TIAM1: variants seen among roughly 807,000 people sequenced by gnomAD.
TIAM1 encodes rho guanine nucleotide exchange factor TIAM1.
TIAM1 carries 65 observed loss-of-function variants against 163.5 expected under a neutral mutation model. The observed-to-expected ratio is 0.40, with a 90% CI of 0.33 to 0.49. The LOEUF (loss-of-function observed/expected upper bound fraction) is 0.49, where lower values mean the gene tolerates loss of function less well. TIAM1 is among the 20% of genes least tolerant of loss of function. The pLI, the probability that TIAM1 is intolerant of heterozygous loss-of-function variation, is 0.77. For missense variants in TIAM1, 1,789 were observed against 2,044.7 expected, an observed-to-expected ratio of 0.87 and a Z score of 2.41; for synonymous variants, 833 against 810.1, an observed-to-expected ratio of 1.03 and a Z score of -0.48.
At chr21:31,210,748 G>GAA (rs1555891277) in intron 10 of TIAM1, among the ~76,000 whole-genome samples, 4 of 59,770 alleles carry the variant, frequency 6.7e-5, no homozygotes, top group African/African-American at 3.3e-4. Flanking sequence ...GGAAGGAAGG[G>GAA]AGAAAGAAAG....
chr21:31,423,089 T>G (rs1470496164), intron 2 of TIAM1, among the ~76,000 whole-genome samples: 2 of 123,102 alleles, frequency 1.6e-5, no homozygotes, highest in Non-Finnish European at 3.3e-5. Context: ...AACAGCACTA[T>G]CTTTTTTTTT....
At chr21:31,520,753 T>C (rs2047553208) in intron 1 of TIAM1, among the ~76,000 whole-genome samples, 1 of 152,182 alleles carries the variant, frequency 6.6e-6, no homozygotes, top group South Asian at 2.1e-4. Flanking sequence ...CGATTGGAGA[T>C]TTATATTGCA....
intron 2 of TIAM1, among the ~76,000 whole-genome samples, chr21:31,319,506 C>CG (rs2075239282): frequency 6.6e-6 from 1 of 152,002 alleles, no homozygotes; most frequent in Non-Finnish European, 1.5e-5. Flanking sequence ...TGGCCGGGCA[C>CG]GGTGGCTCAT....
intron 2 of TIAM1, among the ~76,000 whole-genome samples, chr21:31,401,902 C>T (rs1377726979): frequency 3.4e-5 from 5 of 148,310 alleles, no homozygotes; most frequent in African/African-American, 1.3e-4. Context: ...CAAGGCAAGA[C>T]TCTATCTCTT....
intron 1 of TIAM1, among the ~76,000 whole-genome samples, chr21:31,519,655 C>T (rs548320151): frequency 3.3e-5 from 5 of 152,082 alleles, no homozygotes; most frequent in Admixed American, 6.6e-5. Flanking sequence ...GTAACCCAAG[C>T]GTGCTTTGAC....
intron 2 of TIAM1, among the ~76,000 whole-genome samples, chr21:31,321,114 C>A (rs9976903): frequency 6.6e-6 from 1 of 151,548 alleles, no homozygotes; most frequent in Non-Finnish European, 1.5e-5. Context: ...ATTGTGCTAC[C>A]GCGCTCCAGC....
intron 1 of TIAM1, among the ~76,000 whole-genome samples, chr21:31,488,700 G>A (rs1483092772): frequency 1.3e-5 from 2 of 151,862 alleles, no homozygotes; most frequent in African/African-American, 4.9e-5. Flanking sequence ...TTCACTACCA[G>A]AACAGTATGA....
At chr21:31,168,743 C>A (rs1477454985) in intron 15 of TIAM1, among the ~76,000 whole-genome samples, 2 of 152,102 alleles carry the variant, frequency 1.3e-5, no homozygotes, top group African/African-American at 4.8e-5. Context: ...TGTTTGTATT[C>A]CAAGGCATCT....
chr21:31,401,816 C>T (rs2077169397), intron 2 of TIAM1, among the ~76,000 whole-genome samples: 1 of 151,740 alleles, frequency 6.6e-6, no homozygotes, highest in South Asian at 2.1e-4. Context: ...GGGGCTGAGG[C>T]AAGAGGATTG....
At chr21:31,547,245 G>A (rs1009552798) in intron 1 of TIAM1, among the ~76,000 whole-genome samples, 1 of 152,182 alleles carries the variant, frequency 6.6e-6, no homozygotes, top group African/African-American at 2.4e-5. Context: ...AAGACTGCAG[G>A]TTCCTCATGC....
intron 2 of TIAM1, among the ~76,000 whole-genome samples, chr21:31,415,624 C>CCA (rs2043345476): frequency 6.6e-6 from 1 of 152,226 alleles, no homozygotes; most frequent in Non-Finnish European, 1.5e-5. Context: ...CTTTACTTCT[C>CCA]CACTATATGA....
intron 16 of TIAM1, among the ~76,000 whole-genome samples, chr21:31,156,439 C>G (rs1387810292): frequency 6.6e-6 from 1 of 152,102 alleles, no homozygotes; most frequent in East Asian, 1.9e-4. Flanking sequence ...AAAATGGGCT[C>G]AGCTCTATGG....
intron 6 of TIAM1, among the ~76,000 whole-genome samples, chr21:31,233,129 A>G (rs1005282411): frequency 1.3e-5 from 2 of 152,214 alleles, no homozygotes; most frequent in Admixed American, 1.3e-4. Flanking sequence ...AGTGGCAGGA[A>G]AAGGGAAATT....
chr21:31,533,045 C>T (rs1437270686), intron 1 of TIAM1, among the ~76,000 whole-genome samples: 1 of 152,218 alleles, frequency 6.6e-6, no homozygotes, highest in Non-Finnish European at 1.5e-5. Context: ...CCAGGCGTAT[C>T]TCAACATAAT....
At chr21:31,424,829 T>C (rs1311803901) in intron 2 of TIAM1, among the ~76,000 whole-genome samples, 3 of 152,164 alleles carry the variant, frequency 2.0e-5, no homozygotes, top group Non-Finnish European at 4.4e-5. Flanking sequence ...GGCAGGCGGA[T>C]CACTTGAGGT....
rs763027069 is a variant in TIAM1 at position 31,154,344 on chromosome 21, G to A, written c.3074C>T (p.Thr1025Met). The change falls in exon 17 of 28, where the codon ACG becomes ATG. Residue 1025 changes from threonine (T) to methionine (M), a missense_variant. This residue lies in a region of TIAM1 where 303 missense variants were observed against 321.3 expected (regional missense o/e 0.94). Coordinates refer to ENST00000541036, the MANE Select transcript of TIAM1 (RefSeq NM_001353694.2). ...SDQSPSPQDS[T>M]GPQLATMRQL... ...TCTCATGGTCGCCAGCTGAGGCCCC[G>A]TGGAGTCCTGAGGAGATGGGCTCTG... is the stretch of plus-strand genomic sequence containing the variant. 9 of 1,614,030 alleles carry A rather than the reference G, an allele frequency of 5.6e-6. No homozygotes were observed. The highest frequency in any genetic ancestry group is 1.6e-4 in the Middle Eastern group (1 of 6,082).
At chr21:31,380,957 T>C (rs1344401526) in intron 2 of TIAM1, among the ~76,000 whole-genome samples, 1 of 152,110 alleles carries the variant, frequency 6.6e-6, no homozygotes, top group Admixed American at 6.5e-5. Flanking sequence ...ATAGGTAAAA[T>C]GAGGAAAATA....
At chr21:31,475,036 T>C (rs2045889275) in intron 1 of TIAM1, among the ~76,000 whole-genome samples, 1 of 64,246 alleles carries the variant, frequency 1.6e-5, no homozygotes. Flanking sequence ...TTATTATTAT[T>C]ATTATTATTA....
intron 1 of TIAM1, among the ~76,000 whole-genome samples, chr21:31,547,192 A>T (rs920948173): frequency 1.3e-5 from 2 of 152,114 alleles, no homozygotes; most frequent in African/African-American, 2.4e-5. Context: ...GTCCTGTTTT[A>T]AAGAATGGGC....
Sources: gnomAD v4.1 joint callset for allele counts (sites outside exome capture counted in the v4.1 genomes callset) on GRCh38, gnomAD v4.1.1 for gene constraint, gnomAD v4.1.1 regional missense constraint, MANE v1.5 for transcripts, NCBI Gene and HGNC (gene_info 2026-07-23, HGNC 2026-07-21) for gene names.